ITIH6: variants seen among roughly 807,000 people sequenced by gnomAD.
The protein encoded by ITIH6 is inter-alpha-trypsin inhibitor heavy chain family member 6.
Under a neutral mutation model 58.2 loss-of-function variants are expected in ITIH6, and 60 were observed. That is an observed-to-expected ratio of 1.03 (90% CI 0.84 to 1.28). The LOEUF (loss-of-function observed/expected upper bound fraction) is 1.28. Among genes scored for constraint, ITIH6 ranks in the 50% most tolerant of loss-of-function variants. The pLI, the probability that ITIH6 is intolerant of heterozygous loss-of-function variation, is 0.00. For missense variants in ITIH6, 1,290 were observed against 1,021.1 expected, an observed-to-expected ratio of 1.26 and a Z score of -3.59; for synonymous variants, 493 against 417.4, an observed-to-expected ratio of 1.18 and a Z score of -2.21.
At chrX:54,776,087 T>A (rs5961136) in intron 5 of ITIH6, among the ~76,000 whole-genome samples, 2 of 109,509 alleles carry the variant, frequency 1.8e-5, no homozygotes, top group African/African-American at 3.3e-5. Context: ...CCCCAGCAGC[T>A]GAGGCACGGT....
chrX:54,788,654 A>G lies in ITIH6; in HGVS notation c.617-5T>C. 8.4e-7 allele frequency: 1 copy of G among 1,186,786 alleles called. No individual in the cohort carries two copies. The highest frequency in any genetic ancestry group is 1.1e-6 in the Non-Finnish European group (1 of 875,055). ...ATGGGGGTGAATCCACCTCACCTGTATGGGTGGGGAGGATCGGGGCGGGGT... is the reference window on the plus strand; with the variant it reads ...ATGGGGGTGAATCCACCTCACCTGTGTGGGTGGGGAGGATCGGGGCGGGGT... On this transcript the variant is annotated splice_region_variant and splice_polypyrimidine_tract_variant and intron_variant, in intron 4 of 12. Transcript: ENST00000218436.
In ITIH6 at chrX:54,749,964, G is replaced by T; in HGVS notation, c.3873C>A (p.Ser1291=). The change falls in exon 13 of 13, where the codon TCC becomes TCA. Residue 1291 remains serine (S), a synonymous_variant. Transcript: ENST00000218436. ...DSPRLLPRWA[S]CWLVKRSHVE... is the part of the protein sequence containing the mutation. ...CATGAGAGCGCTTCACCAGCCAGCA[G>T]GAAGCCCAGCGGGGCAGCAGCCTTG... The T allele has an allele frequency of 8.3e-7, 1 of 1,211,863 alleles. No homozygotes were observed. Among genetic ancestry groups the T allele is most frequent in the Non-Finnish European group, 1.1e-6 (1 of 895,478 alleles).
At chrX:54,768,565 G>T (rs2147609644) in intron 6 of ITIH6, among the ~76,000 whole-genome samples, 1 of 105,594 alleles carries the variant, frequency 9.5e-6, no homozygotes, top group Admixed American at 1.0e-4. Context: ...CTTCCTTCAG[G>T]AGCTCTTTTA....
rs201968410 is a variant in ITIH6 at position 54,790,860 on chromosome X, C to A, written c.593G>T (p.Arg198Leu). The A allele has an allele frequency of 4.1e-6, 5 of 1,212,177 alleles. No individual in the cohort carries two copies. Among genetic ancestry groups the A allele is most frequent in the Non-Finnish European group, 5.6e-6 (5 of 895,553 alleles). The change falls in exon 4 of 13, where the codon CGT (arginine) becomes CTT (leucine). Residue 198 changes from arginine to leucine, a missense_variant. By Grantham distance (102) the Arg-to-Leu change is moderately radical. Transcript: ENST00000218436. Reference sequence around the variant, plus strand: ...ACTTGCATGGGCATTGGTGCGCAGACGGCCGGTCCTCAGGGGTGGTATGTG... The same window carrying A: ...ACTTGCATGGGCATTGGTGCGCAGAAGGCCGGTCCTCAGGGGTGGTATGTG... ...YVHIPPLRTG[R>L]LRTNAHASEV...
intron 5 of ITIH6, among the ~76,000 whole-genome samples, chrX:54,786,738 C>A (rs1557214254): frequency 9.0e-6 from 1 of 111,107 alleles, no homozygotes; most frequent in Admixed American, 9.6e-5. Flanking sequence ...TCCATCTTAC[C>A]TTGTGTGTCA....
chrX:54,777,906 C>T (rs1315588318), intron 5 of ITIH6, among the ~76,000 whole-genome samples: 18 of 112,045 alleles, frequency 1.6e-4, no homozygotes, highest in Non-Finnish European at 1.9e-5. Context: ...CACAGAAGAA[C>T]ATCTAAAAGT....
chrX:54,755,258 C>A lies in ITIH6; in HGVS notation c.3110-149G>T, dbSNP rs1376137368. On this transcript the variant is annotated intron_variant, in intron 8 of 12. Transcript: ENST00000218436. ...CTTATGCTCTCCACAGCCTCTTAAT[C>A]TCTCAAGCTCAGATATGTTCAAAGT... 5 of 450,584 alleles carry A rather than the reference C, an allele frequency of 1.1e-5. No individual in the cohort carries two copies. The East Asian group carries it at 1.1e-4, about 10-fold the overall frequency. The allele number at this position is 450,584 out of a possible 1,213,427, so 37.1% of individuals were successfully genotyped here.
At chrX:54,789,628 T>C (rs1167986997) in intron 4 of ITIH6, among the ~76,000 whole-genome samples, 1 of 112,673 alleles carries the variant, frequency 8.9e-6, no homozygotes, top group Admixed American at 9.4e-5. Flanking sequence ...CAGCTGCTGC[T>C]GTGTGTCCCT....
intron 12 of ITIH6, among the ~76,000 whole-genome samples, chrX:54,750,389 G>C (rs1010872860): frequency 9.0e-6 from 1 of 110,650 alleles, no homozygotes; most frequent in Admixed American, 9.6e-5. Flanking sequence ...GAGACAAGAG[G>C]AGGGAGGAGG....
At chrX:54,776,167 C>A (rs1307588431) in intron 5 of ITIH6, among the ~76,000 whole-genome samples, 1 of 109,370 alleles carries the variant, frequency 9.1e-6, no homozygotes, top group East Asian at 2.9e-4. Context: ...CTCAGTGTTG[C>A]CCTCTTAGAG....
At position 54,757,804 on chromosome X, in the gene ITIH6, C is replaced by T; in HGVS notation, c.2270G>A (p.Arg757Lys). The change falls in exon 8 of 13, where the codon AGG (arginine) becomes AAG (lysine). Residue 757 changes from arginine (R) to lysine (K), a missense_variant. By Grantham distance (26) the Arg-to-Lys change is conservative. Coordinates refer to ENST00000218436, the MANE Select transcript of ITIH6 (RefSeq NM_198510.3). ...QNPDILPTNSRTQVPPVKPGI... is the reference protein window; with the variant it reads ...QNPDILPTNSKTQVPPVKPGI... ...AGGTTTCACAGGTGGGACTTGTGTCCTGGAGTTCGTGGGTAATATATCAGG... is the reference window on the plus strand; with the variant it reads ...AGGTTTCACAGGTGGGACTTGTGTCTTGGAGTTCGTGGGTAATATATCAGG... The T allele has an allele frequency of 1.7e-6, 2 of 1,211,037 alleles. No individual in the cohort carries two copies. The highest frequency in any genetic ancestry group is 2.2e-6 in the Non-Finnish European group (2 of 895,021).
At chrX:54,764,905 A>G (rs1444352395) in intron 6 of ITIH6, among the ~76,000 whole-genome samples, 1 of 100,403 alleles carries the variant, frequency 1.0e-5, no homozygotes, top group Non-Finnish European at 2.0e-5. Flanking sequence ...ATTTCTCCAC[A>G]TCCTCTCCAG....
chrX:54,777,603 C>CAG (rs56091331), intron 5 of ITIH6, among the ~76,000 whole-genome samples: 4,356 of 108,948 alleles, frequency 0.04, 90 homozygotes, highest in Middle Eastern at 0.062. Context: ...TGGCTCACAA[C>CAG]AGAGAGAGAG....
Position 54,757,793 on chromosome X carries a change from G to C in ITIH6, c.2281C>G (p.Pro761Ala), listed in dbSNP as rs770567213. ...ILPTNSRTQV[P>A]PVKPGIPASP... ...GCTGGGATGCCAGGTTTCACAGGTG[G>C]GACTTGTGTCCTGGAGTTCGTGGGT... is the stretch of plus-strand genomic sequence containing the variant. The change falls in exon 8 of 13, where the codon CCA becomes GCA. Residue 761 changes from proline (P) to alanine (A), a missense_variant. Coordinates refer to ENST00000218436, the MANE Select transcript of ITIH6 (RefSeq NM_198510.3). The C allele has an allele frequency of 2.5e-6, 3 of 1,209,037 alleles. No individual in the cohort carries two copies. The African/African-American group carries it at 5.3e-5, about 21-fold the overall frequency.
chrX:54,755,103 G>C lies in ITIH6; in HGVS notation c.3116C>G (p.Pro1039Arg), dbSNP rs1456518585. ...TFLTPDEDGS[P>R]NWDGNSEEIL... ...CTCCTCAGAATTGCCATCCCAGTTT[G>C]GACTTCCTGCCAAGCACAAAAGAAA... is the stretch of plus-strand genomic sequence containing the variant. Residue 1039 changes from proline (P) to arginine (R), a missense_variant, in exon 9 of 13, where the codon CCA becomes CGA. Coordinates refer to ENST00000218436, the MANE Select transcript of ITIH6 (RefSeq NM_198510.3). 8.3e-7 allele frequency: 1 copy of C among 1,200,085 alleles called. No homozygotes were observed. The highest frequency in any genetic ancestry group is 1.1e-6 in the Non-Finnish European group (1 of 887,179).
At chrX:54,750,363 G>C in intron 12 of ITIH6, among the ~76,000 whole-genome samples, 1 of 111,031 alleles carries the variant, frequency 9.0e-6, no homozygotes, top group Non-Finnish European at 1.9e-5. Flanking sequence ...AGAAGACAGG[G>C]AAGATTAGAA....
At chrX:54,783,740 TTGTTAAAG>T (rs1929190060) in intron 5 of ITIH6, among the ~76,000 whole-genome samples, 1 of 112,010 alleles carries the variant, frequency 8.9e-6, no homozygotes, top group Non-Finnish European at 1.9e-5. Context: ...AGACTCAATA[TTGTTAAAG>T]TGTCCATACT....
chrX:54,796,936 A>G lies in ITIH6; in HGVS notation c.257+6T>C, dbSNP rs1929453294. On this transcript the variant is annotated splice_donor_region_variant and intron_variant, in intron 2 of 12. Coordinates refer to ENST00000218436, the MANE Select transcript of ITIH6 (RefSeq NM_198510.3). Reference sequence around the variant, plus strand: ...AATGAAGTGGTGACTTTGGAAGCAGACTTACATAGTGAAATTGGAGATAAA... The same window carrying G: ...AATGAAGTGGTGACTTTGGAAGCAGGCTTACATAGTGAAATTGGAGATAAA... 1.7e-6 allele frequency: 2 copies of G among 1,208,666 alleles called. No homozygotes were observed. The highest frequency in any genetic ancestry group is 3.5e-5 in the African/African-American group (2 of 57,730).
chrX:54,789,558 A>T (rs1330336006), intron 4 of ITIH6, among the ~76,000 whole-genome samples: 1 of 111,959 alleles, frequency 8.9e-6, no homozygotes, highest in Non-Finnish European at 1.9e-5. Flanking sequence ...TCTGCCATTT[A>T]TAGCTTAGGG....
Sources: allele counts gnomAD v4.1 joint callset (sites outside exome capture counted in the v4.1 genomes callset), GRCh38; gene constraint gnomAD v4.1.1; transcripts MANE v1.5; gene names NCBI Gene and HGNC (gene_info 2026-07-23, HGNC 2026-07-21).